The following DTNBP1 variants were observed in gnomAD, a reference collection of about 807,000 sequenced individuals.
The protein encoded by DTNBP1 is dystrobrevin binding protein 1.
DTNBP1 carries 35 observed loss-of-function variants against 42.8 expected under a neutral mutation model. The observed-to-expected ratio is 0.82, with a 90% CI of 0.63 to 1.09. DTNBP1 has a LOEUF of 1.09. Ranked by LOEUF, DTNBP1 falls within the 50% of genes least tolerant of loss-of-function variation. The probability of loss-of-function intolerance (pLI) is 0.00; values close to 1 mark genes in which losing one functional copy is unlikely to be tolerated. For synonymous variants in DTNBP1, 171 were observed against 162.2 expected (o/e 1.05, Z -0.41); for missense variants, 457 against 424.2 (o/e 1.08, Z -0.68).
rs115674383 is a variant in DTNBP1 at position 15,550,873 on chromosome 6, G to A, written c.512-17478C>T. 7.4e-3 allele frequency among the ~76,000 whole-genome samples: 1,131 copies of A among 152,308 alleles called. 5 individuals are homozygous for A. Among genetic ancestry groups the A allele is most frequent in the Non-Finnish European group, 0.012 (826 of 68,024 alleles). Reference sequence around the variant, plus strand: ...AGAAGTTCCTGAGTCCACAAGCTGAGGAAGATGCTGCATGAGGAAGGTCGG... The same window carrying A: ...AGAAGTTCCTGAGTCCACAAGCTGAAGAAGATGCTGCATGAGGAAGGTCGG... On this transcript the variant is annotated intron_variant, in intron 7 of 9. Coordinates refer to ENST00000344537, the MANE Select transcript of DTNBP1 (RefSeq NM_032122.5).
chr6:15,630,494 G>A (rs1304442531), intron 4 of DTNBP1, among the ~76,000 whole-genome samples: 1 of 152,154 alleles, frequency 6.6e-6, no homozygotes, highest in Non-Finnish European at 1.5e-5. Flanking sequence ...ACAATAACAG[G>A]AGAGGCAAAA....
intron 8 of DTNBP1, among the ~76,000 whole-genome samples, chr6:15,532,697 C>CTTTTTTTTTTTTTTTTTTT (rs373480713): frequency 1.1e-5 from 1 of 93,100 alleles, no homozygotes; most frequent in Non-Finnish European, 1.9e-5. Flanking sequence ...TGTTTGTAAT[C>CTTTTTTTTTTTTTTTTTTT]TTTTTTTTTT....
At chr6:15,548,845 T>C (rs890595908) in intron 7 of DTNBP1, among the ~76,000 whole-genome samples, 2 of 152,172 alleles carry the variant, frequency 1.3e-5, no homozygotes, top group Non-Finnish European at 2.9e-5. Flanking sequence ...TGATTGAACA[T>C]AATATTAAAA....
chr6:15,575,338 A>G (rs1775516250), intron 7 of DTNBP1, among the ~76,000 whole-genome samples: 1 of 152,214 alleles, frequency 6.6e-6, no homozygotes. Context: ...ACTGAATATG[A>G]GAGAAACTAA....
At chr6:15,585,836 C>G in intron 7 of DTNBP1, 1 of 1,495,470 alleles carries the variant, frequency 6.7e-7, no homozygotes, top group Non-Finnish European at 8.9e-7. Context: ...GGCAGCTGCC[C>G]TCACGTGCAT....
At chr6:15,529,785 T>G (rs1386692498) in intron 8 of DTNBP1, among the ~76,000 whole-genome samples, 1 of 152,246 alleles carries the variant, frequency 6.6e-6, no homozygotes, top group African/African-American at 2.4e-5. Flanking sequence ...AAAATGCTTT[T>G]CTAAGAAAAT....
intron 8 of DTNBP1, among the ~76,000 whole-genome samples, chr6:15,528,886 G>A (rs759643142): frequency 6.6e-6 from 1 of 152,208 alleles, no homozygotes; most frequent in Non-Finnish European, 1.5e-5. Context: ...GTGGGCCCAG[G>A]AATCCATGTT....
At chr6:15,584,329 T>C (rs1266146496) in intron 7 of DTNBP1, among the ~76,000 whole-genome samples, 1 of 152,120 alleles carries the variant, frequency 6.6e-6, no homozygotes, top group Non-Finnish European at 1.5e-5. Context: ...GAACCATTAT[T>C]TAAGATAATG....
chr6:15,531,837 T>C (rs1475476506), intron 8 of DTNBP1, among the ~76,000 whole-genome samples: 1 of 152,242 alleles, frequency 6.6e-6, no homozygotes, highest in African/African-American at 2.4e-5. Flanking sequence ...TTTCACCATG[T>C]TGGCCAGGAT....
chr6:15,642,039 G>A (rs867678387), intron 3 of DTNBP1, among the ~76,000 whole-genome samples: 16 of 152,156 alleles, frequency 1.1e-4, no homozygotes, highest in Admixed American at 2.0e-4. Flanking sequence ...GACACACAGC[G>A]TATTTCATGC....
chr6:15,588,885 T>C (rs1776184703), intron 7 of DTNBP1, among the ~76,000 whole-genome samples: 1 of 152,262 alleles, frequency 6.6e-6, no homozygotes, highest in Non-Finnish European at 1.5e-5. Context: ...GACCTCTCTC[T>C]GGTTAATTAC....
chr6:15,531,771 C>T (rs368920144), intron 8 of DTNBP1, among the ~76,000 whole-genome samples: 37 of 152,218 alleles, frequency 2.4e-4, no homozygotes, highest in African/African-American at 7.9e-4. Context: ...GTAGCTGGGA[C>T]TACAGGCACA....
intron 6 of DTNBP1, among the ~76,000 whole-genome samples, chr6:15,602,856 T>C (rs1397814219): frequency 6.6e-6 from 1 of 152,220 alleles, no homozygotes; most frequent in Non-Finnish European, 1.5e-5. Context: ...AACCCCAGCG[T>C]GTCATTTGCA....
At chr6:15,576,754 G>A (rs1252698624) in intron 7 of DTNBP1, among the ~76,000 whole-genome samples, 2 of 139,698 alleles carry the variant, frequency 1.4e-5, no homozygotes, top group African/African-American at 5.5e-5. Flanking sequence ...AAATGACAGA[G>A]CACAACTCTG....
chr6:15,526,704 C>T (rs893465496), intron 8 of DTNBP1, among the ~76,000 whole-genome samples: 15 of 152,148 alleles, frequency 9.9e-5, no homozygotes, highest in Admixed American at 9.2e-4. Flanking sequence ...TGGGGGCACG[C>T]TTCTGAGGGT....
chr6:15,583,428 T>A (rs1014358042), intron 7 of DTNBP1, among the ~76,000 whole-genome samples: 3 of 152,156 alleles, frequency 2.0e-5, no homozygotes, highest in African/African-American at 7.2e-5. Flanking sequence ...CAACTACCAA[T>A]CTTCTGAGAA....
intron 5 of DTNBP1, 48 bp from the exon 6 acceptor site, chr6:15,615,447 T>C: frequency 1.2e-6 from 2 of 1,605,746 alleles, no homozygotes; most frequent in Non-Finnish European, 1.7e-6. Context: ...GAATCCTCAA[T>C]CATGATGAAT....
intron 1 of DTNBP1, among the ~76,000 whole-genome samples, chr6:15,653,126 T>A (rs1173623418): frequency 2.0e-5 from 3 of 152,238 alleles, no homozygotes; most frequent in Admixed American, 2.0e-4. Flanking sequence ...TCTTTAAGCA[T>A]CCACAGTATT....
At chr6:15,575,527 T>C (rs1246041900) in intron 7 of DTNBP1, among the ~76,000 whole-genome samples, 2 of 152,184 alleles carry the variant, frequency 1.3e-5, no homozygotes, top group African/African-American at 4.8e-5. Flanking sequence ...TCAGCAAAAG[T>C]TGCAGGGAAA....
Sources: gnomAD v4.1 joint callset for allele counts (sites outside exome capture counted in the v4.1 genomes callset) on GRCh38, gnomAD v4.1.1 for gene constraint, MANE v1.5 for transcripts, NCBI Gene and HGNC (gene_info 2026-07-23, HGNC 2026-07-21) for gene names.